The following EZH2 variants were observed in gnomAD, a reference collection of about 807,000 sequenced individuals.
EZH2 encodes the protein enhancer of zeste 2 polycomb repressive complex 2 subunit.
Under a neutral mutation model 98.4 loss-of-function variants are expected in EZH2, and 18 were observed. The observed-to-expected ratio is 0.18, with a 90% CI of 0.13 to 0.27. EZH2 has a LOEUF of 0.27. EZH2 is among the 10% of genes least tolerant of loss of function. EZH2 has a pLI of 1.00. For synonymous variants in EZH2, 338 were observed against 312.3 expected (o/e 1.08, Z -0.87); for missense variants, 470 against 935.1 (o/e 0.50, Z 6.49).
At chr7:148,872,000 G>A (rs1819483637) in intron 1 of EZH2, among the ~76,000 whole-genome samples, 1 of 152,216 alleles carries the variant, frequency 6.6e-6, no homozygotes, top group African/African-American at 2.4e-5. Flanking sequence ...GGATCTCAAA[G>A]AGATATTTGT....
chr7:148,828,782 C>T lies in EZH2; in HGVS notation c.583G>A (p.Glu195Lys). 6.2e-7 allele frequency: 1 copy of T among 1,613,876 alleles called. No individual in the cohort carries two copies. Among genetic ancestry groups the T allele is most frequent in the Non-Finnish European group, 8.5e-7 (1 of 1,180,006 alleles). The change falls in exon 6 of 20, where the codon GAA (glutamate) becomes AAA (lysine). Residue 195 changes from glutamate to lysine, a missense_variant. Transcript: ENST00000320356. Reference sequence around the variant, plus strand: ...AGATCTTTCTGCTTTTCTTCTCTTTCTTCAGGATCGTCTCCATCATCATCA... The same window carrying T: ...AGATCTTTCTGCTTTTCTTCTCTTTTTTCAGGATCGTCTCCATCATCATCA... ...DDDDDGDDPE[E>K]REEKQKDLED...
intron 15 of EZH2, among the ~76,000 whole-genome samples, chr7:148,812,903 T>C (rs539375908): frequency 1.3e-5 from 2 of 152,314 alleles, no homozygotes; most frequent in Admixed American, 1.3e-4. Flanking sequence ...ACACAGACTT[T>C]GGTTCAAAGA....
At chr7:148,808,078 G>C (rs1323664804) in intron 19 of EZH2, among the ~76,000 whole-genome samples, 2 of 152,184 alleles carry the variant, frequency 1.3e-5, no homozygotes, top group Non-Finnish European at 2.9e-5. Flanking sequence ...CCATGGTCTG[G>C]AAAAAATGAT....
At chr7:148,842,226 C>T (rs1812643040) in intron 3 of EZH2, among the ~76,000 whole-genome samples, 1 of 152,106 alleles carries the variant, frequency 6.6e-6, no homozygotes. Context: ...ACTATCTAAG[C>T]AAACTTCTCT....
chr7:148,817,122 A>G (rs1179965163), intron 11 of EZH2, 100 bp downstream of exon 11: 1 of 1,103,766 alleles, frequency 9.1e-7, no homozygotes, highest in Non-Finnish European at 1.3e-6. Context: ...GATGAATAGG[A>G]GCTTAGTAAT....
intron 1 of EZH2, among the ~76,000 whole-genome samples, chr7:148,847,688 A>AG (rs1345440383): frequency 6.6e-6 from 1 of 152,132 alleles, no homozygotes; most frequent in Admixed American, 6.6e-5. Context: ...CTGTTACAGT[A>AG]GCAAGGCATA....
chr7:148,835,606 A>T (rs1472889925), intron 3 of EZH2, among the ~76,000 whole-genome samples: 1 of 152,090 alleles, frequency 6.6e-6, no homozygotes. Context: ...AGTATCAAAT[A>T]CTATCCAGTG....
intron 15 of EZH2, 146 bp downstream of exon 15, chr7:148,813,813 A>G: frequency 1.2e-6 from 1 of 838,136 alleles, no homozygotes; most frequent in Non-Finnish European, 1.8e-6. Flanking sequence ...TTACCCAGAG[A>G]AAATTATGAA....
chr7:148,857,437 T>C (rs1351918227), intron 1 of EZH2, among the ~76,000 whole-genome samples: 2 of 152,192 alleles, frequency 1.3e-5, no homozygotes, highest in Admixed American at 6.5e-5. Flanking sequence ...AAATATACCA[T>C]GGCTATATAA....
At chr7:148,872,630 T>C (rs1420951721) in intron 1 of EZH2, among the ~76,000 whole-genome samples, 1 of 152,224 alleles carries the variant, frequency 6.6e-6, no homozygotes, top group Non-Finnish European at 1.5e-5. Context: ...AAACAGAATA[T>C]ATGAAATTTC....
intron 1 of EZH2, among the ~76,000 whole-genome samples, chr7:148,858,102 C>G (rs1484950819): frequency 6.6e-6 from 1 of 151,852 alleles, no homozygotes; most frequent in Non-Finnish European, 1.5e-5. Context: ...ACCATTCTTG[C>G]TAACAAGGTG....
intron 15 of EZH2, 86 bp from the exon 16 acceptor site, chr7:148,811,806 G>T: frequency 1.7e-6 from 2 of 1,150,364 alleles, no homozygotes; most frequent in Non-Finnish European, 2.5e-6. Flanking sequence ...GAAAACAAAA[G>T]CTATCACTGT....
chr7:148,842,102 A>G (rs1043454919), intron 3 of EZH2, among the ~76,000 whole-genome samples: 2 of 152,192 alleles, frequency 1.3e-5, no homozygotes, highest in African/African-American at 4.8e-5. Flanking sequence ...TCATTAGTAA[A>G]CAAGATACAA....
rs1021286402 is a variant in EZH2, at chr7:148,819,583, C to T, written c.999+13G>A. On this transcript the variant is annotated intron_variant, in intron 9 of 19. Transcript: ENST00000320356. ...TCAAGTACCCTCTGCAATAATTAGG[C>T]ACTAAGTCTTACCAAATGCTGGTAA... 6.2e-7 allele frequency: 1 copy of T among 1,608,462 alleles called. No individual in the cohort carries two copies. Among genetic ancestry groups the T allele is most frequent in the African/African-American group, 1.3e-5 (1 of 74,932 alleles).
intron 17 of EZH2, among the ~76,000 whole-genome samples, chr7:148,809,765 A>G (rs1055712032): frequency 2.0e-5 from 3 of 152,236 alleles, no homozygotes; most frequent in African/African-American, 7.2e-5. Context: ...AAGCATTCAT[A>G]GAAAAAAACC....
chr7:148,828,927 C>T, intron 5 of EZH2, 47 bp from the exon 6 acceptor site: 1 of 1,548,974 alleles, frequency 6.5e-7, no homozygotes, highest in Non-Finnish European at 8.7e-7. Context: ...GCAATAATGT[C>T]AAAAGTTTAT....
rs938868532 is a variant in EZH2, at chr7:148,830,979, T to C, written c.364-1131A>G. 1.3e-4 allele frequency among the ~76,000 whole-genome samples: 20 copies of C among 152,166 alleles called. No homozygotes were observed. The South Asian group carries it at 2.7e-3, about 21-fold the overall frequency. On this transcript the variant is annotated intron_variant, in intron 4 of 19. Transcript: ENST00000320356. ...AAACAGAATTTTAGAAAGATAATTA[T>C]AATAAGCAGAATGGACTGGCTATGC...
chr7:148,857,331 C>T (rs956071584), intron 1 of EZH2, among the ~76,000 whole-genome samples: 2 of 152,136 alleles, frequency 1.3e-5, no homozygotes, highest in African/African-American at 4.8e-5. Flanking sequence ...AACCAACCAA[C>T]CAAAGAAAGA....
intron 1 of EZH2, among the ~76,000 whole-genome samples, chr7:148,876,639 T>C (rs997186208): frequency 2.0e-5 from 3 of 152,160 alleles, no homozygotes; most frequent in Non-Finnish European, 4.4e-5. Flanking sequence ...TCACAACAGA[T>C]TGGTTTGCTG....
Sources: allele counts gnomAD v4.1 joint callset (sites outside exome capture counted in the v4.1 genomes callset), GRCh38; gene constraint gnomAD v4.1.1; transcripts MANE v1.5; gene names NCBI Gene and HGNC (gene_info 2026-07-23, HGNC 2026-07-21).